DLGAP2: variants seen among roughly 807,000 people sequenced by gnomAD.
The protein encoded by DLGAP2 is disks large-associated protein 2.
Under a neutral mutation model 100.3 loss-of-function variants are expected in DLGAP2, and 26 were observed. The observed-to-expected ratio is 0.26, with a 90% CI of 0.19 to 0.36. DLGAP2 has a LOEUF of 0.36. DLGAP2 is among the 10% of genes least tolerant of loss of function. The probability of loss-of-function intolerance (pLI) is 1.00; values close to 1 mark genes in which losing one functional copy is unlikely to be tolerated. For synonymous variants in DLGAP2, 886 were observed against 630.1 expected, an observed-to-expected ratio of 1.41 and a Z score of -6.08; for missense variants, 1,858 against 1,453.2, an observed-to-expected ratio of 1.28 and a Z score of -4.53.
At chr8:1,549,784 G>A (rs570412612) in intron 5 of DLGAP2, 101 bp downstream of exon 5, 11 of 1,266,614 alleles carry the variant, frequency 8.7e-6, no homozygotes, top group South Asian at 1.5e-5. Context: ...TACACATTTA[G>A]GTTGTGCAAC....
chr8:1,672,761 C>T (rs931490284), intron 10 of DLGAP2, among the ~76,000 whole-genome samples: 1 of 152,208 alleles, frequency 6.6e-6, no homozygotes, highest in African/African-American at 2.4e-5. Context: ...ACAGGCAGGG[C>T]CGGCCACTCA....
At chr8:1,539,323 CCA>C (rs1272728994) in intron 4 of DLGAP2, among the ~76,000 whole-genome samples, 11 of 152,306 alleles carry the variant, frequency 7.2e-5, no homozygotes, top group African/African-American at 2.6e-4. Flanking sequence ...GAGATGCAAT[CCA>C]CAGACAAGTT....
At chr8:804,872 C>T (rs1225340710) in intron 1 of DLGAP2, among the ~76,000 whole-genome samples, 4 of 152,018 alleles carry the variant, frequency 2.6e-5, no homozygotes, top group East Asian at 3.9e-4. Flanking sequence ...CTTAAGTGAT[C>T]CTCCCACCTC....
intron 3 of DLGAP2, among the ~76,000 whole-genome samples, chr8:1,294,784 G>C (rs537842625): frequency 6.6e-6 from 1 of 151,984 alleles, no homozygotes; most frequent in East Asian, 1.9e-4. Flanking sequence ...CAGTAGGATT[G>C]CTTGAGCCTC....
chr8:1,697,370 T>C (rs2293909), intron 14 of DLGAP2, 71 bp downstream of exon 14: 380,597 of 1,514,628 alleles, frequency 0.25, 49,612 homozygotes, highest in Admixed American at 0.36. Flanking sequence ...CTGCTGCAGA[T>C]AGAGCATGAC....
chr8:1,023,272 C>T (rs893481601), intron 2 of DLGAP2, among the ~76,000 whole-genome samples: 6 of 152,176 alleles, frequency 3.9e-5, no homozygotes, highest in East Asian at 1.9e-4. Flanking sequence ...GGAGCTATCA[C>T]GTAGGTCTGT....
At chr8:1,417,503 C>A (rs1404444150) in intron 3 of DLGAP2, among the ~76,000 whole-genome samples, 1 of 152,214 alleles carries the variant, frequency 6.6e-6, no homozygotes, top group Non-Finnish European at 1.5e-5. Context: ...CGGGGCTCAC[C>A]AGGGCAGGCA....
intron 3 of DLGAP2, among the ~76,000 whole-genome samples, chr8:1,377,701 T>G (rs1208973281): frequency 6.6e-6 from 1 of 152,126 alleles, no homozygotes; most frequent in Non-Finnish European, 1.5e-5. Context: ...TGGATCTGAG[T>G]GCAGCTCCCT....
chr8:1,189,414 C>T (rs1397590438), intron 2 of DLGAP2, among the ~76,000 whole-genome samples: 1 of 152,290 alleles, frequency 6.6e-6, no homozygotes, highest in East Asian at 1.9e-4. Flanking sequence ...GTGCAGTTAC[C>T]ATGTCAGAAG....
At chr8:1,657,981 C>T (rs990115895) in intron 8 of DLGAP2, among the ~76,000 whole-genome samples, 1 of 152,024 alleles carries the variant, frequency 6.6e-6, no homozygotes, top group African/African-American at 2.4e-5. Flanking sequence ...GGGAGCAGAT[C>T]GCCCAAAAGA....
intron 2 of DLGAP2, among the ~76,000 whole-genome samples, chr8:1,071,089 C>G (rs1256176042): frequency 6.6e-6 from 1 of 152,192 alleles, no homozygotes; most frequent in South Asian, 2.1e-4. Flanking sequence ...GCCTCTCTCT[C>G]CTGGCCTCCT....
At chr8:1,322,606 C>T (rs932559600) in intron 3 of DLGAP2, among the ~76,000 whole-genome samples, 3 of 152,108 alleles carry the variant, frequency 2.0e-5, no homozygotes, top group Non-Finnish European at 2.9e-5. Context: ...GCCCACCTGG[C>T]GTGCTGTCTC....
chr8:815,268 G>A (rs1301766708), intron 1 of DLGAP2, among the ~76,000 whole-genome samples: 1 of 152,196 alleles, frequency 6.6e-6, no homozygotes, highest in East Asian at 1.9e-4. Context: ...CCCTGTGTCT[G>A]TGTCCTCTGA....
intron 2 of DLGAP2, among the ~76,000 whole-genome samples, chr8:1,231,564 C>G (rs1218589961): frequency 6.6e-6 from 1 of 152,096 alleles, no homozygotes; most frequent in East Asian, 1.9e-4. Context: ...CTCACGATAG[C>G]AAAGAGAGGA....
chr8:835,368 T>C (rs1034137558), intron 1 of DLGAP2, among the ~76,000 whole-genome samples: 57 of 152,080 alleles, frequency 3.7e-4, no homozygotes, highest in African/African-American at 1.3e-3. Flanking sequence ...TCCAGAGACA[T>C]TGGGAGAAAT....
At chr8:811,421 G>A (rs141032975) in intron 1 of DLGAP2, among the ~76,000 whole-genome samples, 23,224 of 132,304 alleles carry the variant, frequency 0.18, 2,290 homozygotes, top group Admixed American at 0.35. Context: ...GTGGTGAGAG[G>A]CCACCAGCTT....
intron 2 of DLGAP2, among the ~76,000 whole-genome samples, chr8:912,583 T>G (rs1445326204): frequency 3.3e-5 from 5 of 152,070 alleles, no homozygotes; most frequent in African/African-American, 1.2e-4. Context: ...ACCAGTTGTC[T>G]CCAGCTCATT....
Position 1,190,485 on chromosome 8 carries a change from C to G in DLGAP2, c.74-68366C>G, listed in dbSNP as rs569152904. Among the ~76,000 whole-genome samples the G allele has an allele frequency of 4.6e-5, 7 of 152,278 alleles. No individual in the cohort carries two copies. In the East Asian group the frequency reaches 9.7e-4, roughly 21 times the overall value. On this transcript the variant is annotated intron_variant, in intron 2 of 14. Coordinates refer to ENST00000637795, the MANE Select transcript of DLGAP2 (RefSeq NM_001346810.2). ...ACACTGACACTTGGTGCCGGGCAAT[C>G]TTTCCCGGCAGCATCTCATGCAGGA...
chr8:771,004 T>A (rs1055845831), intron 1 of DLGAP2, among the ~76,000 whole-genome samples: 1 of 152,134 alleles, frequency 6.6e-6, no homozygotes, highest in African/African-American at 2.4e-5. Context: ...GTTTTTATGA[T>A]GATTTTGGAA....
Sources: allele counts gnomAD v4.1 joint callset (sites outside exome capture counted in the v4.1 genomes callset), GRCh38; gene constraint gnomAD v4.1.1; transcripts MANE v1.5; gene names NCBI Gene and HGNC (gene_info 2026-07-23, HGNC 2026-07-21).